CABP7: variants seen among roughly 807,000 people sequenced by gnomAD.
CABP7 encodes the protein calcium-binding protein 7.
CABP7 carries 13 observed loss-of-function variants against 23.1 expected under a neutral mutation model. The observed-to-expected ratio is 0.56, with a 90% CI of 0.37 to 0.90. The LOEUF (loss-of-function observed/expected upper bound fraction) is 0.90. Ranked by LOEUF, CABP7 falls within the 40% of genes least tolerant of loss-of-function variation. CABP7 has a pLI of 0.01. For synonymous variants in CABP7, 123 were observed against 115.3 expected, an observed-to-expected ratio of 1.07 and a Z score of -0.43; for missense variants, 248 against 295.6, an observed-to-expected ratio of 0.84 and a Z score of 1.18.
At chr22:29,721,619 T>C (rs2067762492) in intron 1 of CABP7, among the ~76,000 whole-genome samples, 3 of 151,848 alleles carry the variant, frequency 2.0e-5, no homozygotes. Context: ...TCAGGGAGGA[T>C]GGTGGGAGCC....
At chr22:29,726,302 C>G (rs1031491573) in intron 1 of CABP7, among the ~76,000 whole-genome samples, 1 of 152,212 alleles carries the variant, frequency 6.6e-6, no homozygotes, top group African/African-American at 2.4e-5. Context: ...CCCAAGCCAC[C>G]TCGAAGTGTG....
rs1164910132 is a variant in CABP7 at position 29,720,655 on chromosome 22, G to C, written c.109+122G>C. On this transcript the variant is annotated intron_variant, in intron 1 of 4. Transcript: ENST00000216144. The surrounding 1 kb of genome is among the most constrained non-coding windows in gnomAD (Gnocchi z 5.2). The stretch of plus-strand genomic sequence containing the variant: ...GTCCGCAGGTGCCGGTTGCCAGGTG[G>C]GCGCCCCAGCTAGCAGCTGTGCCCC... 3.9e-6 allele frequency: 2 copies of C among 511,306 alleles called. No homozygotes were observed. The highest frequency in any genetic ancestry group is 6.5e-6 in the Non-Finnish European group (2 of 306,386). 31.7% of individuals were successfully genotyped at this position (511,306 alleles called of 1,614,324 possible).
Position 29,729,192 on chromosome 22 carries a change from T to C in CABP7, c.504T>C (p.Cys168=), listed in dbSNP as rs920479351. The C allele has an allele frequency of 1.5e-5, 24 of 1,608,468 alleles. No homozygotes were observed. Among genetic ancestry groups the C allele is most frequent in the Non-Finnish European group, 2.0e-5 (24 of 1,178,560 alleles). The change falls in exon 4 of 5, where the codon TGT becomes TGC. Residue 168 remains cysteine (C), a synonymous_variant. Transcript: ENST00000216144. ...GCCACCTGGGCACAGCCGAGGAGTG[T>C]CCCGTGGATGTGGAGAGTGAGTGGC... ...EESHLGTAEE[C]PVDVETCSNQ...
At chr22:29,725,546 G>A (rs1294349133) in intron 1 of CABP7, among the ~76,000 whole-genome samples, 2 of 152,192 alleles carry the variant, frequency 1.3e-5, no homozygotes, top group Non-Finnish European at 2.9e-5. Flanking sequence ...GGCCCTTGTA[G>A]TGCACAATCC....
In CABP7 at chr22:29,731,512, G is replaced by A. The variant is rs1405383839; in HGVS notation, c.*1943G>A. The A allele has an allele frequency of 1.8e-5, 17 of 961,936 alleles. No homozygotes were observed. In the East Asian group the frequency reaches 3.2e-4, roughly 18 times the overall value. The allele number at this position is 961,936 out of a possible 1,614,324, so 59.6% of individuals were successfully genotyped here. ...AGCCTCGAAAATAGGCAGACCGTTT[G>A]AGCCAGCGACCTCACCTCTAGGAAC... On this transcript the variant is annotated 3_prime_UTR_variant, in exon 5 of 5. Coordinates refer to ENST00000216144, the MANE Select transcript of CABP7 (RefSeq NM_182527.3).
At position 29,727,560 on chromosome 22, in the gene CABP7, C is replaced by A; in HGVS notation, c.110-102C>A. On this transcript the variant is annotated intron_variant, in intron 1 of 4. Transcript: ENST00000216144. This position sits in a 1 kb window ranked among gnomAD's most constrained non-coding sequence, Gnocchi z 4.2. Reference sequence around the variant, plus strand: ...ATCTGCAGGCTCTGGGTTGGGCTCTCAAGGCCATGCTCAGGCTGCAGGGTC... The same window carrying A: ...ATCTGCAGGCTCTGGGTTGGGCTCTAAAGGCCATGCTCAGGCTGCAGGGTC... 1 of 1,479,782 alleles carries A rather than the reference C, an allele frequency of 6.8e-7. No homozygotes were observed. Among genetic ancestry groups the A allele is most frequent in the Non-Finnish European group, 9.3e-7 (1 of 1,070,868 alleles). The allele number at this position is 1,479,782 out of a possible 1,614,324, so 91.7% of individuals were successfully genotyped here.
chr22:29,731,125 G>A lies in CABP7; in HGVS notation c.*1556G>A. 2.3e-6 allele frequency: 3 copies of A among 1,304,812 alleles called. No individual in the cohort carries two copies. Among genetic ancestry groups the A allele is most frequent in the Non-Finnish European group, 1.0e-6 (1 of 988,472 alleles). The allele number at this position is 1,304,812 out of a possible 1,614,324, so 80.8% of individuals were successfully genotyped here. A position where few individuals can be genotyped will look rare whatever the true frequency, so the allele number is the denominator to read the frequency against. On this transcript the variant is annotated 3_prime_UTR_variant, in exon 5 of 5. Coordinates refer to ENST00000216144, the MANE Select transcript of CABP7 (RefSeq NM_182527.3). ...GAGCCTCAGTGAGGCTGGGCAGATGGTCTCGGAGCCTCCATGGGGCGTAGC... is the reference window on the plus strand; with the variant it reads ...GAGCCTCAGTGAGGCTGGGCAGATGATCTCGGAGCCTCCATGGGGCGTAGC...
intron 1 of CABP7, among the ~76,000 whole-genome samples, chr22:29,725,413 C>T (rs1472355504): frequency 1.3e-5 from 2 of 152,152 alleles, no homozygotes; most frequent in Non-Finnish European, 2.9e-5. Flanking sequence ...GGATGGGCTC[C>T]CCACATCAGT....
chr22:29,727,825 G>A lies in CABP7; in HGVS notation c.253+20G>A, dbSNP rs375236930. 3.4e-5 allele frequency: 55 copies of A among 1,597,880 alleles called. No homozygotes were observed. Among genetic ancestry groups the A allele is most frequent in the South Asian group, 2.7e-4 (24 of 89,740 alleles). On this transcript the variant is annotated intron_variant, in intron 2 of 4. Transcript: ENST00000216144. This position sits in a 1 kb window ranked among gnomAD's most constrained non-coding sequence, Gnocchi z 4.2. ...TGGATGGTGAGCACCCCCCCGCCTC[G>A]GTTTCCCCACCTGGCATCTGGGCCC...
rs1202319329 is a variant in CABP7 at position 29,727,439 on chromosome 22, G to T, written c.110-223G>T. On this transcript the variant is annotated intron_variant, in intron 1 of 4. Transcript: ENST00000216144. The surrounding 1 kb of genome is among the most constrained non-coding windows in gnomAD (Gnocchi z 4.2). ...AATCAGATCCCAAGAGGTCACTGCT[G>T]GGGGGCCTTGAGCCCTGCTTTACTG... Among the ~76,000 whole-genome samples the T allele has an allele frequency of 6.6e-6, 1 of 152,194 alleles. No homozygotes were observed. The highest frequency in any genetic ancestry group is 1.5e-5 in the Non-Finnish European group (1 of 68,028).
rs2067841684 is a variant in CABP7 at position 29,731,354 on chromosome 22, C to A, written c.*1785C>A. ...AGACAGTGGTTCTGATGGGTTCAGC[C>A]CTAGAGAGAGAGAGAGAAGCGGGGA... is the stretch of plus-strand genomic sequence containing the variant. On this transcript the variant is annotated 3_prime_UTR_variant, in exon 5 of 5. Transcript: ENST00000216144. 1 of 1,545,748 alleles carries A rather than the reference C, an allele frequency of 6.5e-7. No individual in the cohort carries two copies. The highest frequency in any genetic ancestry group is 1.4e-5 in the African/African-American group (1 of 70,170).
chr22:29,723,831 C>A (rs1209487986), intron 1 of CABP7, among the ~76,000 whole-genome samples: 1 of 152,256 alleles, frequency 6.6e-6, no homozygotes, highest in East Asian at 1.9e-4. Context: ...TCTTCAGTGA[C>A]CTCCAGCCAG....
At chr22:29,724,431 C>G (rs2067781678) in intron 1 of CABP7, among the ~76,000 whole-genome samples, 1 of 152,226 alleles carries the variant, frequency 6.6e-6, no homozygotes. Context: ...CATCTCTGAG[C>G]CAGGACCAGC....
chr22:29,728,971 C>A, intron 3 of CABP7, 84 bp from the exon 4 acceptor site: 1 of 1,512,682 alleles, frequency 6.6e-7, no homozygotes, highest in Admixed American at 1.7e-5. Context: ...AATCTAGAGG[C>A]CTGTCACCGG....
Position 29,731,198 on chromosome 22 carries a change from CGT to C in CABP7, c.*1631_*1632del, listed in dbSNP as rs769215451. 2 of 1,470,924 alleles carry C rather than the reference CGT, an allele frequency of 1.4e-6. No individual in the cohort carries two copies. The highest frequency in any genetic ancestry group is 1.8e-6 in the Non-Finnish European group (2 of 1,119,448). The allele number at this position is 1,470,924 out of a possible 1,614,324, so 91.1% of individuals were successfully genotyped here. A position where few individuals can be genotyped will look rare whatever the true frequency, so the allele number is the denominator to read the frequency against. On this transcript the variant is annotated 3_prime_UTR_variant, in exon 5 of 5. Coordinates refer to ENST00000216144, the MANE Select transcript of CABP7 (RefSeq NM_182527.3). Reference sequence around the variant, plus strand: ...TTGTGACTGATGAGAAAAGTGACCACGTGGGGGTCAGTCGGGGGCAAGGGGCT... The same window carrying C: ...TTGTGACTGATGAGAAAAGTGACCACGGGGGTCAGTCGGGGGCAAGGGGCT...
rs948394457 is a variant in CABP7, at chr22:29,731,724, T to C, written c.*2155T>C. ...TGATGAGGAAAGACATACTGTGTGA[T>C]AGGGAGAAAAAGCAGCTTATAAAAT... On this transcript the variant is annotated 3_prime_UTR_variant, in exon 5 of 5. Transcript: ENST00000216144. 2.1e-5 allele frequency: 4 copies of C among 194,404 alleles called. No homozygotes were observed. Among genetic ancestry groups the C allele is most frequent in the South Asian group, 1.2e-4 (1 of 8,270 alleles). The allele number at this position is 194,404 out of a possible 1,614,324, so 12.0% of individuals were successfully genotyped here. A position where few individuals can be genotyped will look rare whatever the true frequency, so the allele number is the denominator to read the frequency against.
intron 1 of CABP7, among the ~76,000 whole-genome samples, chr22:29,722,310 G>A (rs1311523309): frequency 6.6e-6 from 1 of 152,230 alleles, no homozygotes; most frequent in African/African-American, 2.4e-5. Context: ...GGCAGTGCAG[G>A]GGCAAGGCCG....
intron 1 of CABP7, among the ~76,000 whole-genome samples, chr22:29,723,312 G>A (rs969408459): frequency 2.6e-5 from 4 of 152,188 alleles, no homozygotes; most frequent in African/African-American, 7.2e-5. Context: ...GGGTAGGAAT[G>A]TGGCTGCACA....
intron 1 of CABP7, among the ~76,000 whole-genome samples, chr22:29,725,137 C>T (rs1314460031): frequency 4.6e-5 from 7 of 152,102 alleles, no homozygotes; most frequent in Admixed American, 4.6e-4. Flanking sequence ...TCCTCCTTCC[C>T]CACACCACCG....
Sources: gnomAD v4.1 joint callset for allele counts (sites outside exome capture counted in the v4.1 genomes callset) on GRCh38, gnomAD v4.1.1 for gene constraint, Gnocchi (gnomAD v3.1) non-coding constraint, MANE v1.5 for transcripts, NCBI Gene and HGNC (gene_info 2026-07-23, HGNC 2026-07-21) for gene names.